The following MCRIP1 variants were observed in gnomAD, a reference collection of about 807,000 sequenced individuals.
The protein encoded by MCRIP1 is MAPK regulated corepressor interacting protein 1.
MCRIP1 carries 10 observed loss-of-function variants against 14.4 expected under a neutral mutation model. The observed-to-expected ratio is 0.70, with a 90% CI of 0.43 to 1.18. The LOEUF is 1.18. Among genes scored for constraint, MCRIP1 ranks in the 50% most tolerant of loss-of-function variants. The pLI, the probability that MCRIP1 is intolerant of heterozygous loss-of-function variation, is 0.00. For missense variants in MCRIP1, 119 were observed against 135.4 expected (o/e 0.88, Z 0.60); for synonymous variants, 53 against 55.7 (o/e 0.95, Z 0.21).
At chr17:81,824,796 C>T (rs1189936278) in intron 1 of MCRIP1, 4 of 1,398,220 alleles carry the variant, frequency 2.9e-6, no homozygotes, top group South Asian at 1.6e-5. Context: ...CAACTTGAAG[C>T]GATCAAGCCC....
intron 1 of MCRIP1, among the ~76,000 whole-genome samples, chr17:81,827,372 C>T (rs1176788280): frequency 2.0e-5 from 3 of 151,556 alleles, no homozygotes; most frequent in South Asian, 2.1e-4. Context: ...CCCGGGTTCA[C>T]GCCATTCTCC....
Position 81,824,523 on chromosome 17 carries a change from C to T in MCRIP1, c.-17G>A, listed in dbSNP as rs908730609. The stretch of plus-strand genomic sequence containing the variant: ...CCTGGTCATCGCGGGGGCGTCTGAT[C>T]CTAGCGCTCCACCGCCAGATCCCCT... On this transcript the variant is annotated 5_prime_UTR_variant, in exon 2 of 5. Transcript: ENST00000455127. The T allele has an allele frequency of 6.5e-7, 1 of 1,536,032 alleles. No homozygotes were observed. The highest frequency in any genetic ancestry group is 8.7e-7 in the Non-Finnish European group (1 of 1,146,778).
intron 1 of MCRIP1, chr17:81,825,413 AG>A: frequency 8.4e-7 from 1 of 1,189,684 alleles, no homozygotes; most frequent in East Asian, 5.8e-5. Flanking sequence ...CCTGCTCCAG[AG>A]GGGGCAACTC....
chr17:81,823,411 C>G lies in MCRIP1; in HGVS notation c.229+1G>C. On this transcript the variant is annotated splice_donor_variant, in intron 4 of 4. Coordinates refer to ENST00000455127, the MANE Select transcript of MCRIP1 (RefSeq NM_207368.5). LOFTEE classifies it high-confidence loss of function. The surrounding 1 kb of genome is among the most constrained non-coding windows in gnomAD (Gnocchi z 6.0). The stretch of plus-strand genomic sequence containing the variant: ...CTGCCCCCAGGTCAGCCCCCACTCA[C>G]TCTTCAGGCTGGGGTTAGGGACCTT... 3 of 1,536,728 alleles carry G rather than the reference C, an allele frequency of 2.0e-6. No individual in the cohort carries two copies. Among genetic ancestry groups the G allele is most frequent in the Non-Finnish European group, 2.6e-6 (3 of 1,146,684 alleles).
chr17:81,831,957 G>T (rs553237090), intron 1 of MCRIP1, among the ~76,000 whole-genome samples: 1 of 152,232 alleles, frequency 6.6e-6, no homozygotes, highest in African/African-American at 2.4e-5. Flanking sequence ...AAGGGCTTTA[G>T]AGACTTCCAG....
chr17:81,824,785 A>G, intron 1 of MCRIP1: 2 of 1,415,494 alleles, frequency 1.4e-6, no homozygotes, highest in South Asian at 3.1e-5. Flanking sequence ...AGACACACAC[A>G]CAACTTGAAG....
At chr17:81,833,018 C>G (rs2038552156) in intron 1 of MCRIP1, among the ~76,000 whole-genome samples, 1 of 151,384 alleles carries the variant, frequency 6.6e-6, no homozygotes, top group East Asian at 1.9e-4. Flanking sequence ...GCCCTCCCCA[C>G]GCGCGCTCCC....
intron 1 of MCRIP1, chr17:81,826,410 G>A (rs1240871602): frequency 2.0e-6 from 3 of 1,532,452 alleles, no homozygotes; most frequent in Non-Finnish European, 2.6e-6. Flanking sequence ...TGTAGTCCCA[G>A]CTACTCAGAG....
rs3187588 is a variant in MCRIP1, at chr17:81,822,482, G to A, written c.*765C>T. 6.6e-6 allele frequency: 1 copy of A among 152,602 alleles called. No individual in the cohort carries two copies. Among genetic ancestry groups the A allele is most frequent in the Non-Finnish European group, 1.5e-5 (1 of 68,408 alleles). The allele number at this position is 152,602 out of a possible 1,614,324, so 9.5% of individuals were successfully genotyped here. The stretch of plus-strand genomic sequence containing the variant: ...CAGCCACACAGACACTTAGCTTTCA[G>A]AGGGCACAGGAAGGAAAAGGGACCT... On this transcript the variant is annotated 3_prime_UTR_variant, in exon 5 of 5. Transcript: ENST00000455127.
At chr17:81,827,536 G>T (rs1446953870) in intron 1 of MCRIP1, among the ~76,000 whole-genome samples, 1 of 151,888 alleles carries the variant, frequency 6.6e-6, no homozygotes, top group Non-Finnish European at 1.5e-5. Context: ...CTCCCAAAGT[G>T]CTGGGATTAC....
chr17:81,824,515 CG>C lies in MCRIP1; in HGVS notation c.-10del. On this transcript the variant is annotated 5_prime_UTR_variant, in exon 2 of 5. Coordinates refer to ENST00000455127, the MANE Select transcript of MCRIP1 (RefSeq NM_207368.5). ...GAGACCCACCTGGTCATCGCGGGGG[CG>C]TCTGATCCTAGCGCTCCACCGCCAG... The C allele has an allele frequency of 6.5e-7, 1 of 1,536,040 alleles. No individual in the cohort carries two copies. The highest frequency in any genetic ancestry group is 2.0e-5 in the Admixed American group (1 of 50,986).
intron 1 of MCRIP1, among the ~76,000 whole-genome samples, chr17:81,832,578 C>T (rs1182026577): frequency 6.6e-6 from 1 of 152,254 alleles, no homozygotes; most frequent in East Asian, 1.9e-4. Flanking sequence ...AACTATCCTA[C>T]TCATCCTTGG....
intron 1 of MCRIP1, among the ~76,000 whole-genome samples, chr17:81,832,391 T>C (rs990950420): frequency 6.6e-6 from 1 of 152,086 alleles, no homozygotes; most frequent in South Asian, 2.1e-4. Flanking sequence ...CTCCCCATCC[T>C]GATCCCACTC....
At chr17:81,824,471 G>A (rs1248442230) in intron 2 of MCRIP1, 28 bp downstream of exon 2, 1 of 1,535,708 alleles carries the variant, frequency 6.5e-7, no homozygotes, top group Non-Finnish European at 8.7e-7. Flanking sequence ...CGCCCCGGTG[G>A]AGACCAGCCC....
intron 1 of MCRIP1, chr17:81,825,243 G>A (rs1195577491): frequency 3.5e-5 from 38 of 1,089,790 alleles, no homozygotes; most frequent in East Asian, 2.3e-4. Context: ...GCTGCCGCCC[G>A]TTTATGGCCT....
chr17:81,828,699 A>ACAGG (rs1222718153), intron 1 of MCRIP1, among the ~76,000 whole-genome samples: 1 of 152,146 alleles, frequency 6.6e-6, no homozygotes, highest in Non-Finnish European at 1.5e-5. Context: ...GGGGCCACAG[A>ACAGG]CAGGCCCTGG....
At position 81,831,086 on chromosome 17, in the gene MCRIP1, C is replaced by T. The variant is rs1489373169; in HGVS notation, c.-49+2152G>A. ...ACTTGGGAAGCTAAGGCAGGAGAAT[C>T]GCTTGAACCCAGGAAGCAAAGGTTA... On this transcript the variant is annotated intron_variant, in intron 1 of 4. Transcript: ENST00000455127. Among the ~76,000 whole-genome samples the T allele has an allele frequency of 4.0e-5, 6 of 151,310 alleles. No homozygotes were observed. In the South Asian group the frequency reaches 6.2e-4, roughly 16 times the overall value.
Position 81,825,572 on chromosome 17 carries a change from G to T in MCRIP1, c.-48-1018C>A, listed in dbSNP as rs781131792. 15 of 1,288,694 alleles carry T rather than the reference G, an allele frequency of 1.2e-5. No individual in the cohort carries two copies. The Admixed American group carries it at 3.2e-4, about 28-fold the overall frequency. The allele number at this position is 1,288,694 out of a possible 1,614,324, so 79.8% of individuals were successfully genotyped here. ...AGAGGGCCAGGAGCACTGAGGCTTCGAGTCCTCTCTGGCTCATTCCGCCTC... is the reference window on the plus strand; with the variant it reads ...AGAGGGCCAGGAGCACTGAGGCTTCTAGTCCTCTCTGGCTCATTCCGCCTC... On this transcript the variant is annotated intron_variant, in intron 1 of 4. Transcript: ENST00000455127.
rs190463011 is a variant in MCRIP1 at position 81,825,536 on chromosome 17, G to A, written c.-48-982C>T. The A allele has an allele frequency of 3.9e-6, 5 of 1,278,714 alleles. No homozygotes were observed. In the East Asian group the frequency reaches 2.8e-4, roughly 71 times the overall value. The allele number at this position is 1,278,714 out of a possible 1,614,324, so 79.2% of individuals were successfully genotyped here. On this transcript the variant is annotated intron_variant, in intron 1 of 4. Coordinates refer to ENST00000455127, the MANE Select transcript of MCRIP1 (RefSeq NM_207368.5). The stretch of plus-strand genomic sequence containing the variant: ...TGCAGATACTCCAGGGCACACGGCT[G>A]CAGCCCTCACAGAGGGCCAGGAGCA...
Sources: gnomAD v4.1 joint callset for allele counts (sites outside exome capture counted in the v4.1 genomes callset) on GRCh38, gnomAD v4.1.1 for gene constraint, Gnocchi (gnomAD v3.1) non-coding constraint, MANE v1.5 for transcripts, NCBI Gene and HGNC (gene_info 2026-07-23, HGNC 2026-07-21) for gene names.